Variants in CCR3 observed in about 807,000 individuals in gnomAD.
CCR3 encodes the protein C-C motif chemokine receptor 3.
For missense variants in CCR3, 419 were observed against 437.5 expected (o/e 0.96, Z 0.38); for synonymous variants, 203 against 179.2 (o/e 1.13, Z -1.06).
At chr3:46,255,438 G>A (rs1700402563) in intron 1 of CCR3, among the ~76,000 whole-genome samples, 1 of 151,994 alleles carries the variant, frequency 6.6e-6, no homozygotes, top group Non-Finnish European at 1.5e-5. Flanking sequence ...TGTTGTATTT[G>A]CTTTTGGGTT....
chr3:46,265,730 C>G lies in CCR3; in HGVS notation c.572C>G (p.Thr191Arg). Reference sequence around the variant, plus strand: ...TGCAGTGCTCTTTACCCAGAGGATACAGTATATAGCTGGAGGCATTTCCAC... The same window carrying G: ...TGCAGTGCTCTTTACCCAGAGGATAGAGTATATAGCTGGAGGCATTTCCAC... ...TLCSALYPED[T>R]VYSWRHFHTL... The change falls in exon 2 of 2, where the codon ACA (threonine) becomes AGA (arginine). Residue 191 changes from threonine to arginine, a missense_variant. Coordinates refer to ENST00000395940, the MANE Select transcript of CCR3 (RefSeq NM_178329.3). 6.2e-7 allele frequency: 1 copy of G among 1,613,706 alleles called. No homozygotes were observed. Among genetic ancestry groups the G allele is most frequent in the South Asian group, 1.1e-5 (1 of 91,066 alleles).
chr3:46,228,880 A>G (rs145185433), intron 2 of CCR3, among the ~76,000 whole-genome samples: 60 of 152,172 alleles, frequency 3.9e-4, no homozygotes, highest in Non-Finnish European at 5.4e-4. Context: ...GTTCTTTCTC[A>G]TGTTACATCT....
intron 1 of CCR3, among the ~76,000 whole-genome samples, chr3:46,247,606 T>C: frequency 6.6e-6 from 1 of 152,118 alleles, no homozygotes; most frequent in Non-Finnish European, 1.5e-5. Flanking sequence ...CTGATTTGAC[T>C]AATAAAGGCT....
At chr3:46,230,395 C>T (rs1230842453) in intron 2 of CCR3, among the ~76,000 whole-genome samples, 1 of 152,108 alleles carries the variant, frequency 6.6e-6, no homozygotes, top group Admixed American at 6.5e-5. Flanking sequence ...TACTCCACCA[C>T]CCACCCCTCA....
At chr3:46,212,455 T>C (rs1375267482) in intron 2 of CCR3, among the ~76,000 whole-genome samples, 1 of 151,518 alleles carries the variant, frequency 6.6e-6, no homozygotes, top group Admixed American at 6.6e-5. Context: ...TCCCTCGACA[T>C]CACCTCATTT....
At chr3:46,264,773 C>A (rs954152000) in intron 1 of CCR3, 4 of 368,370 alleles carry the variant, frequency 1.1e-5, no homozygotes, top group South Asian at 8.1e-5. Context: ...ACATAAAATG[C>A]AAAATGCCGT....
chr3:46,224,995 G>A (rs1699878352), intron 2 of CCR3, among the ~76,000 whole-genome samples: 1 of 152,132 alleles, frequency 6.6e-6, no homozygotes, highest in African/African-American at 2.4e-5. Flanking sequence ...CAAGAATGTT[G>A]TTAGTAACTT....
intron 1 of CCR3, among the ~76,000 whole-genome samples, chr3:46,255,837 A>G (rs1700412091): frequency 6.6e-6 from 1 of 152,000 alleles, no homozygotes; most frequent in Non-Finnish European, 1.5e-5. Flanking sequence ...GGGTAACGTG[A>G]TGCCTCCAGG....
intron 2 of CCR3, among the ~76,000 whole-genome samples, chr3:46,220,281 C>T (rs1460619210): frequency 1.3e-5 from 2 of 152,056 alleles, no homozygotes; most frequent in East Asian, 3.8e-4. Context: ...ATCAAAACCA[C>T]AATGCAATAT....
intron 1 of CCR3, among the ~76,000 whole-genome samples, chr3:46,243,695 A>G (rs555083231): frequency 6.6e-6 from 1 of 152,334 alleles, no homozygotes; most frequent in South Asian, 2.1e-4. Flanking sequence ...TTTCCAGAAA[A>G]TGGTGATGAT....
At chr3:46,233,172 T>A (rs1699985565) in intron 2 of CCR3, among the ~76,000 whole-genome samples, 1 of 152,200 alleles carries the variant, frequency 6.6e-6, no homozygotes, top group African/African-American at 2.4e-5. Context: ...GGTGACGTGC[T>A]GTCAGTGGAG....
chr3:46,230,917 GTTTGT>G (rs1371786777), intron 2 of CCR3, among the ~76,000 whole-genome samples: 2 of 152,028 alleles, frequency 1.3e-5, no homozygotes, highest in Non-Finnish European at 2.9e-5. Context: ...TCCGTTTTTT[GTTTGT>G]TTTGTTTTTT....
chr3:46,231,072 A>G, intron 2 of CCR3, among the ~76,000 whole-genome samples: 1 of 152,142 alleles, frequency 6.6e-6, no homozygotes, highest in South Asian at 2.1e-4. Context: ...TTACAGGCAC[A>G]CACCATCACA....
At position 46,266,027 on chromosome 3, in the gene CCR3, C is replaced by A; in HGVS notation, c.869C>A (p.Ala290Asp). 6.2e-7 allele frequency: 1 copy of A among 1,614,040 alleles called. No homozygotes were observed. Among genetic ancestry groups the A allele is most frequent in the Non-Finnish European group, 8.5e-7 (1 of 1,179,988 alleles). ...DLVMLVTEVI[A>D]YSHCCMNPVI... ...GTCATGCTGGTGACAGAGGTGATCGCCTACTCCCACTGCTGCATGAACCCG... is the reference window on the plus strand; with the variant it reads ...GTCATGCTGGTGACAGAGGTGATCGACTACTCCCACTGCTGCATGAACCCG... Residue 290 changes from alanine to aspartate, a missense_variant, in exon 2 of 2, where the codon GCC becomes GAC. Ala to Asp is a moderately radical substitution (Grantham distance 126, BLOSUM62 -2). Transcript: ENST00000395940.
intron 1 of CCR3, among the ~76,000 whole-genome samples, chr3:46,244,222 G>A (rs1700149577): frequency 6.6e-6 from 1 of 152,082 alleles, no homozygotes; most frequent in Non-Finnish European, 1.5e-5. Flanking sequence ...ACAACAAAAA[G>A]GCAATGGTTA....
At chr3:46,221,134 GGC>G (rs1699831351) in intron 2 of CCR3, among the ~76,000 whole-genome samples, 1 of 152,172 alleles carries the variant, frequency 6.6e-6, no homozygotes, top group Non-Finnish European at 1.5e-5. Flanking sequence ...ACTTGAACTT[GGC>G]CACGGAGAGT....
chr3:46,253,757 G>A (rs1035378517), intron 1 of CCR3, among the ~76,000 whole-genome samples: 6 of 152,086 alleles, frequency 3.9e-5, no homozygotes, highest in African/African-American at 1.4e-4. Context: ...AAATGTGCAG[G>A]TTTGTTATAC....
intron 1 of CCR3, among the ~76,000 whole-genome samples, chr3:46,242,978 T>TACACATATATATATATATATATATATAC (rs1700114284): frequency 1.2e-5 from 1 of 81,360 alleles, no homozygotes; most frequent in Admixed American, 1.4e-4. Flanking sequence ...TATATATATA[T>TACACATATATATATATATATATATATAC]ACACATATAT....
In CCR3 at chr3:46,227,154, G is replaced by T. The variant is rs562380590; in HGVS notation, c.-67-15248G>T. On this transcript the variant is annotated intron_variant, in intron 2 of 3. Transcript: ENST00000357422. ...CTGCCTCAGCCTCTCAAAGTGCTGG[G>T]ATTACAGACCTGAGCCACCACGCCC... Among the ~76,000 whole-genome samples, 125 of 152,166 alleles carry T rather than the reference G, an allele frequency of 8.2e-4. 1 individual carries two copies. Among genetic ancestry groups the T allele is most frequent in the African/African-American group, 2.9e-3 (121 of 41,518 alleles).
Sources: allele counts gnomAD v4.1 joint callset (sites outside exome capture counted in the v4.1 genomes callset), GRCh38; gene constraint gnomAD v4.1.1; transcripts MANE v1.5; gene names NCBI Gene and HGNC (gene_info 2026-07-23, HGNC 2026-07-21).